ZNF93: variants seen among roughly 807,000 people sequenced by gnomAD.
ZNF93 encodes zinc finger protein 505.
ZNF93 carries 29 observed loss-of-function variants against 45.0 expected under a neutral mutation model. That is an observed-to-expected ratio of 0.64 (90% CI 0.48 to 0.88). The LOEUF (loss-of-function observed/expected upper bound fraction) is 0.88, where lower values mean the gene tolerates loss of function less well. ZNF93 is among the 40% of genes least tolerant of loss of function. The pLI is 0.00. For missense variants in ZNF93, 578 were observed against 724.0 expected (o/e 0.80, Z 2.31); for synonymous variants, 223 against 244.6 (o/e 0.91, Z 0.82).
chr19:19,927,393 T>C, intron 3 of ZNF93: 1 of 391,080 alleles, frequency 2.6e-6, no homozygotes. Context: ...GTTAAGTATA[T>C]TCACATTGTT....
intron 3 of ZNF93, among the ~76,000 whole-genome samples, chr19:19,928,782 A>G (rs1046255088): frequency 2.0e-5 from 3 of 152,212 alleles, no homozygotes. Flanking sequence ...CCAAAGTGTT[A>G]GGATTATAGG....
chr19:19,930,036 C>T (rs954060320), intron 3 of ZNF93, among the ~76,000 whole-genome samples: 2 of 150,670 alleles, frequency 1.3e-5, no homozygotes, highest in Non-Finnish European at 2.9e-5. Context: ...ACCACCAAGA[C>T]GTGGAGACCG....
At chr19:19,929,635 G>T (rs2063366483) in intron 3 of ZNF93, among the ~76,000 whole-genome samples, 1 of 152,144 alleles carries the variant, frequency 6.6e-6, no homozygotes, top group Admixed American at 6.5e-5. Flanking sequence ...TTCTCCCTGT[G>T]TGCAGAGATA....
chr19:19,919,942 T>C (rs1599570255), intron 3 of ZNF93, among the ~76,000 whole-genome samples: 1 of 152,206 alleles, frequency 6.6e-6, no homozygotes, highest in East Asian at 1.9e-4. Flanking sequence ...TACCCTTTAT[T>C]TCCTTCTCCT....
At chr19:19,923,225 A>T (rs537141924) in intron 3 of ZNF93, among the ~76,000 whole-genome samples, 32 of 152,308 alleles carry the variant, frequency 2.1e-4, no homozygotes, top group Admixed American at 5.2e-4. Context: ...CCTGGGTATC[A>T]GCAGCGGAGG....
Position 19,934,515 on chromosome 19 carries a change from G to C in ZNF93, c.1560G>C (p.Gln520His). 1 of 1,609,550 alleles carries C rather than the reference G, an allele frequency of 6.2e-7. No homozygotes were observed. The change falls in exon 4 of 4, where the codon CAG (glutamine) becomes CAC (histidine). Residue 520 changes from glutamine to histidine, a missense_variant. Gln to His is a conservative substitution (Grantham distance 24). Coordinates refer to ENST00000343769, the MANE Select transcript of ZNF93 (RefSeq NM_031218.4). The stretch of plus-strand genomic sequence containing the variant: ...AAGAATGTGGCAAAGCTTTTAACCA[G>C]TCCTCAACCCTTATTAAACATAAGA... ...KCEECGKAFN[Q>H]SSTLIKHKKI...
chr19:19,924,744 C>A (rs941640610), intron 3 of ZNF93, among the ~76,000 whole-genome samples: 5 of 152,084 alleles, frequency 3.3e-5, no homozygotes, highest in Admixed American at 2.0e-4. Context: ...GCATGTGCCA[C>A]CACACCCGGG....
intron 2 of ZNF93, 91 bp from the exon 3 acceptor site, chr19:19,916,469 T>A: frequency 1.0e-6 from 1 of 983,470 alleles, no homozygotes; most frequent in Non-Finnish European, 1.5e-6. Context: ...TTTACTAGAA[T>A]ATTTTATCAC....
rs539034267 is a variant in ZNF93 at position 19,934,630 on chromosome 19, C to T, written c.1675C>T (p.His559Tyr). Residue 559 changes from histidine (H) to tyrosine (Y), a missense_variant, in exon 4 of 4, where the codon CAT becomes TAT. This residue lies in a region of ZNF93 where 119 missense variants were observed against 123.1 expected (regional missense o/e 0.97). Transcript: ENST00000343769. Reference sequence around the variant, plus strand: ...ACACCTTACTACACATAAGATACTTCATACTGGAGAGAAACCTTATAGATG... The same window carrying T: ...ACACCTTACTACACATAAGATACTTTATACTGGAGAGAAACCTTATAGATG... ...STHLTTHKIL[H>Y]TGEKPYRCRE... 24 of 1,613,812 alleles carry T rather than the reference C, an allele frequency of 1.5e-5. No homozygotes were observed. The Admixed American group carries it at 3.0e-4, about 20-fold the overall frequency.
At chr19:19,931,890 CTTAAAG>C (rs1319906143) in intron 3 of ZNF93, 5 of 259,438 alleles carry the variant, frequency 1.9e-5, no homozygotes, top group South Asian at 3.4e-5. Context: ...TTACATACAT[CTTAAAG>C]TTAAAACAAT....
intron 1 of ZNF93, among the ~76,000 whole-genome samples, chr19:19,901,468 C>G (rs1456119261): frequency 6.6e-6 from 1 of 152,134 alleles, no homozygotes; most frequent in Non-Finnish European, 1.5e-5. Context: ...CACAGTTTCT[C>G]TTTTCTCCTA....
rs2063320084 is a variant in ZNF93, at chr19:19,915,197, C to T, written c.4-83C>T. 19 of 1,607,180 alleles carry T rather than the reference C, an allele frequency of 1.2e-5. No homozygotes were observed. In the South Asian group the frequency reaches 1.8e-4, roughly 15 times the overall value. ...AGTCCTATAAGTCAGAACCACTTCT[C>T]TTTACTCTCTCATTTCACCTTAAGT... is the stretch of plus-strand genomic sequence containing the variant. On this transcript the variant is annotated intron_variant, in intron 1 of 3. Coordinates refer to ENST00000343769, the MANE Select transcript of ZNF93 (RefSeq NM_031218.4).
At chr19:19,931,479 C>T (rs1004105959) in intron 3 of ZNF93, among the ~76,000 whole-genome samples, 22 of 152,112 alleles carry the variant, frequency 1.4e-4, no homozygotes, top group Admixed American at 4.6e-4. Context: ...GCATGAGCCA[C>T]TGCACCCAGC....
intron 1 of ZNF93, among the ~76,000 whole-genome samples, chr19:19,910,364 A>T (rs986806571): frequency 6.6e-6 from 1 of 152,338 alleles, no homozygotes; most frequent in Admixed American, 6.5e-5. Flanking sequence ...ACAAGTAATT[A>T]TAAATTAAAC....
rs755327843 is a variant in ZNF93 at position 19,934,704 on chromosome 19, TAAGAA to T, written c.1752_1756del (p.Lys584AsnfsTer11). 6.2e-7 allele frequency: 1 copy of T among 1,613,604 alleles called. No homozygotes were observed. The highest frequency in any genetic ancestry group is 1.7e-5 in the Admixed American group (1 of 59,940). The stretch of plus-strand genomic sequence containing the variant: ...ACCATTCTGCAACCCTTTCTTCACA[TAAGAA>T]AATCCATTCTGGAGAGAAACCATAC... On this transcript the variant is annotated frameshift_variant, in exon 4 of 4. Transcript: ENST00000343769. LOFTEE classifies it high-confidence loss of function.
In ZNF93 at chr19:19,933,364, A is replaced by C. The variant is rs778900518; in HGVS notation, c.409A>C (p.Ser137Arg). 3.7e-6 allele frequency: 6 copies of C among 1,606,284 alleles called. No individual in the cohort carries two copies. The Admixed American group carries it at 5.1e-5, about 14-fold the overall frequency. ...AGGTTATAATGGACTTAACCAGTGT[A>C]GTACAACTACCCAGAGCAAAGTATT... ...TGGYNGLNQC[S>R]TTTQSKVFQC... is the part of the protein sequence containing the mutation. The change falls in exon 4 of 4, where the codon AGT becomes CGT. Residue 137 changes from serine to arginine, a missense_variant. Around this residue, in one of 3 missense-constraint regions of ZNF93, gnomAD observed 446 missense variants for 547.6 expected, o/e 0.81. Coordinates refer to ENST00000343769, the MANE Select transcript of ZNF93 (RefSeq NM_031218.4).
chr19:19,904,332 G>A (rs1259293056), intron 1 of ZNF93, among the ~76,000 whole-genome samples: 1 of 152,042 alleles, frequency 6.6e-6, no homozygotes, highest in East Asian at 1.9e-4. Context: ...TTTGTTCTAT[G>A]CATTTCTTCC....
Position 19,905,605 on chromosome 19 carries a change from T to C in ZNF93, c.3+4514T>C, listed in dbSNP as rs944747332. ...TGTTCCATATTTTGTTTTTGCTAAA[T>C]CTTTTATTTTTGGTCTCACTTATGG... On this transcript the variant is annotated intron_variant, in intron 1 of 3. Coordinates refer to ENST00000343769, the MANE Select transcript of ZNF93 (RefSeq NM_031218.4). Among the ~76,000 whole-genome samples the C allele has an allele frequency of 2.6e-5, 4 of 152,320 alleles. No homozygotes were observed. The South Asian group carries it at 8.3e-4, about 32-fold the overall frequency.
intron 3 of ZNF93, among the ~76,000 whole-genome samples, chr19:19,929,717 T>C (rs1032664133): frequency 6.6e-6 from 1 of 151,548 alleles, no homozygotes; most frequent in Non-Finnish European, 1.5e-5. Context: ...GGCGGGCGGA[T>C]CACGAGGTCA....
Sources: allele counts gnomAD v4.1 joint callset (sites outside exome capture counted in the v4.1 genomes callset), GRCh38; gene constraint gnomAD v4.1.1; regional missense constraint gnomAD v4.1.1; transcripts MANE v1.5; gene names NCBI Gene and HGNC (gene_info 2026-07-23, HGNC 2026-07-21).